NUP188: variants seen among roughly 807,000 people sequenced by gnomAD.
NUP188 encodes the protein nucleoporin NUP188.
In NUP188, 97 loss-of-function variants were observed where a neutral mutation model predicts 223.0. The ratio of observed to expected loss-of-function variants is 0.43; its 90% CI spans 0.37 to 0.51. The LOEUF (loss-of-function observed/expected upper bound fraction) is 0.51, where lower values mean the gene tolerates loss of function less well. Ranked by LOEUF, NUP188 falls within the 20% of genes least tolerant of loss-of-function variation. The pLI is 0.00. For synonymous variants in NUP188, 869 were observed against 828.0 expected, an observed-to-expected ratio of 1.05 and a Z score of -0.85; for missense variants, 1,947 against 2,175.6, an observed-to-expected ratio of 0.89 and a Z score of 2.09.
intron 3 of NUP188, among the ~76,000 whole-genome samples, chr9:128,953,086 G>T (rs753620319): frequency 4.6e-5 from 7 of 152,190 alleles, no homozygotes; most frequent in Non-Finnish European, 8.8e-5. Context: ...GTGGGGATGA[G>T]AATTTATTAA....
At chr9:128,986,944 C>T in intron 22 of NUP188, 69 bp downstream of exon 22, 9 of 1,384,554 alleles carry the variant, frequency 6.5e-6, no homozygotes, top group Non-Finnish European at 7.1e-6. Flanking sequence ...CTGTGCAAAG[C>T]CGTCTCAGTT....
Position 128,989,828 on chromosome 9 carries a change from T to C in NUP188, c.2534-292T>C, listed in dbSNP as rs1842389280. On this transcript the variant is annotated intron_variant, in intron 24 of 43. Coordinates refer to ENST00000372577, the MANE Select transcript of NUP188 (RefSeq NM_015354.3). ...GCCTGGGTGACTGAGTGAGACTCTG[T>C]CTCAAAAAAAATTAATAAATAAATA... is the stretch of plus-strand genomic sequence containing the variant. 3.9e-5 allele frequency among the ~76,000 whole-genome samples: 6 copies of C among 152,110 alleles called. No individual in the cohort carries two copies. In the South Asian group the frequency reaches 1.2e-3, roughly 31 times the overall value.
In NUP188 at chr9:129,006,513, G is replaced by A; in HGVS notation, c.5085G>A (p.Leu1695=). The A allele has an allele frequency of 6.2e-7, 1 of 1,613,596 alleles. No individual in the cohort carries two copies. The highest frequency in any genetic ancestry group is 1.1e-5 in the South Asian group (1 of 91,012). Residue 1695 remains leucine (L), a synonymous_variant, in exon 44 of 44, where the codon CTG becomes CTA. Transcript: ENST00000372577. The part of the protein sequence containing the change: ...QELSSELSTL[L]SSLSRYFRRG... ...TTTTTTTCTTGTAGAGCACGCTGCT[G>A]TCCAGCCTCTCGCGCTACTTCCGCC...
At chr9:128,990,366 G>A in intron 25 of NUP188, 140 bp downstream of exon 25, 1 of 712,870 alleles carries the variant, frequency 1.4e-6, no homozygotes, top group Non-Finnish European at 2.5e-6. Flanking sequence ...AAGGTGGGAG[G>A]ATCATTTGAG....
chr9:128,967,438 T>A (rs1317786367), intron 8 of NUP188, among the ~76,000 whole-genome samples: 1 of 152,126 alleles, frequency 6.6e-6, no homozygotes, highest in Non-Finnish European at 1.5e-5. Flanking sequence ...GAAGATTGGT[T>A]GAGCCCAGGA....
Position 128,983,368 on chromosome 9 carries a change from C to G in NUP188, c.1872C>G (p.Arg624=), listed in dbSNP as rs201128376. 1.4e-4 allele frequency: 222 copies of G among 1,614,044 alleles called. No individual in the cohort carries two copies. The highest frequency in any genetic ancestry group is 1.8e-4 in the Non-Finnish European group (218 of 1,180,024). ...ACTGCTTAACTGTTTTGGCTGCCCG[C>G]AATCCAGCAAAGGTGAGATGCCAGA... The part of the protein sequence containing the change: ...CVNCLTVLAA[R]NPAKVWTDLR... The change falls in exon 18 of 44, where the codon CGC becomes CGG. Residue 624 remains arginine, a synonymous_variant. Transcript: ENST00000372577.
rs541473299 is a variant in NUP188 at position 128,947,734 on chromosome 9, C to T, written c.15C>T (p.Ala5=). 10 of 1,469,636 alleles carry T rather than the reference C, an allele frequency of 6.8e-6. No homozygotes were observed. Among genetic ancestry groups the T allele is most frequent in the African/African-American group, 1.4e-5 (1 of 69,264 alleles). The allele number at this position is 1,469,636 out of a possible 1,614,324, so 91.0% of individuals were successfully genotyped here. Residue 5 remains alanine (A), a synonymous_variant, in exon 1 of 44, where the codon GCC becomes GCT. Coordinates refer to ENST00000372577, the MANE Select transcript of NUP188 (RefSeq NM_015354.3). ...GGCGCGCGAAGATGGCGGCGGCCGC[C>T]GGCGGGCCGTGTGTGAGGTGCGGAG... is the stretch of plus-strand genomic sequence containing the variant. MAAA[A]GGPCVRSSRE...
In NUP188 at chr9:128,973,205, T is replaced by C. The variant is rs1842126183; in HGVS notation, c.1159T>C (p.Phe387Leu). Reference protein sequence around the residue: ...ACMCVYGLLSFVLTSLELHTL... With the variant: ...ACMCVYGLLSLVLTSLELHTL... ...CATGTGTGTCTATGGACTGCTCTCTTTCGTTCTGACCTCGTTGGAGCTGCA... is the reference window on the plus strand; with the variant it reads ...CATGTGTGTCTATGGACTGCTCTCTCTCGTTCTGACCTCGTTGGAGCTGCA... Residue 387 changes from phenylalanine (F) to leucine (L), a missense_variant, in exon 12 of 44, where the codon TTC becomes CTC. Around this residue, in one of 3 missense-constraint regions of NUP188, gnomAD observed 817 missense variants for 865.8 expected, o/e 0.94. Transcript: ENST00000372577. 1.2e-6 allele frequency: 2 copies of C among 1,613,736 alleles called. No individual in the cohort carries two copies. Among genetic ancestry groups the C allele is most frequent in the Non-Finnish European group, 8.5e-7 (1 of 1,179,958 alleles).
At chr9:129,002,201 T>A (rs1409617195) in intron 36 of NUP188, among the ~76,000 whole-genome samples, 1 of 152,224 alleles carries the variant, frequency 6.6e-6, no homozygotes, top group Non-Finnish European at 1.5e-5. Flanking sequence ...TGGGATGGAT[T>A]CTTCCCATTG....
At position 128,983,311 on chromosome 9, in the gene NUP188, C is replaced by T. The variant is rs1842283911; in HGVS notation, c.1815C>T (p.Ser605=). 20 of 1,614,054 alleles carry T rather than the reference C, an allele frequency of 1.2e-5. No individual in the cohort carries two copies. Among genetic ancestry groups the T allele is most frequent in the Non-Finnish European group, 1.7e-5 (20 of 1,179,994 alleles). The stretch of plus-strand genomic sequence containing the variant: ...CAACCAGGTTAACGACAGTGATCTC[C>T]CCACCTGTGGATGTCATTGCTTCTT... ...MLLQRLTTVI[S]PPVDVIASCV... is the part of the protein sequence containing the mutation. The change falls in exon 18 of 44, where the codon TCC becomes TCT. Residue 605 remains serine (S), a synonymous_variant. Transcript: ENST00000372577.
At chr9:128,950,012 A>G (rs1025432587) in intron 2 of NUP188, among the ~76,000 whole-genome samples, 2 of 130,894 alleles carry the variant, frequency 1.5e-5, no homozygotes, top group South Asian at 2.4e-4. Context: ...AACCTCTGCC[A>G]CCTGGGTTCA....
intron 38 of NUP188, chr9:129,004,636 C>G (rs909685258): frequency 3.2e-5 from 5 of 155,238 alleles, no homozygotes; most frequent in African/African-American, 1.2e-4. Flanking sequence ...TCCCGAGTAG[C>G]TGGGACTACA....
Position 128,993,661 on chromosome 9 carries a change from G to A in NUP188, c.2984G>A (p.Arg995Gln). Residue 995 changes from arginine (R) to glutamine (Q), a missense_variant, in exon 27 of 44, where the codon CGG (arginine) becomes CAG (glutamine). By Grantham distance (43) the Arg-to-Gln change is conservative. Around this residue, in one of 3 missense-constraint regions of NUP188, gnomAD observed 905 missense variants for 990.6 expected, o/e 0.91. Coordinates refer to ENST00000372577, the MANE Select transcript of NUP188 (RefSeq NM_015354.3). ...IAFLHALWQD[R>Q]RDSAMLVLRT... is the part of the protein sequence containing the mutation. ...TTTTTGCATGCTCTGTGGCAGGATC[G>A]GAGGGACAGTGCCATGCTGGTCCTC... 3.1e-6 allele frequency: 5 copies of A among 1,614,182 alleles called. No homozygotes were observed. Among genetic ancestry groups the A allele is most frequent in the Non-Finnish European group, 4.2e-6 (5 of 1,180,026 alleles).
chr9:128,962,085 G>A (rs1013861819), intron 8 of NUP188, among the ~76,000 whole-genome samples: 10 of 150,118 alleles, frequency 6.7e-5, no homozygotes, highest in Non-Finnish European at 1.2e-4. Flanking sequence ...AAAGGCATGC[G>A]CCACCACACC....
In NUP188 at chr9:128,984,617, C is replaced by T. The variant is rs534840318; in HGVS notation, c.1962-283C>T. Among the ~76,000 whole-genome samples the T allele has an allele frequency of 5.9e-5, 9 of 152,310 alleles. No homozygotes were observed. The East Asian group carries it at 1.7e-3, about 29-fold the overall frequency. On this transcript the variant is annotated intron_variant, in intron 19 of 43. Transcript: ENST00000372577. Reference sequence around the variant, plus strand: ...AGTAGACCACTTACCAGTACACAGGCTCCATCTTACTACCTGAGCATTCTC... The same window carrying T: ...AGTAGACCACTTACCAGTACACAGGTTCCATCTTACTACCTGAGCATTCTC...
At chr9:128,966,287 T>TG (rs2131151319) in intron 8 of NUP188, among the ~76,000 whole-genome samples, 7 of 149,216 alleles carry the variant, frequency 4.7e-5, no homozygotes, top group Admixed American at 2.0e-4. Context: ...TGTGTGTGTG[T>TG]TTGTGTGTGT....
intron 3 of NUP188, 100 bp downstream of exon 3, chr9:128,952,946 G>A: frequency 2.2e-6 from 2 of 917,034 alleles, no homozygotes; most frequent in Non-Finnish European, 3.5e-6. Context: ...GTAGGGTTAT[G>A]TATACCAGAG....
At chr9:128,994,293 C>T (rs1242909786) in intron 27 of NUP188, 80 bp from the exon 28 acceptor site, 9 of 921,112 alleles carry the variant, frequency 9.8e-6, no homozygotes, top group Non-Finnish European at 1.3e-5. Flanking sequence ...ATGAAGTGAC[C>T]ACCAAAGGGA....
At chr9:129,005,115 G>T (rs1189049119) in intron 38 of NUP188, 32 bp from the exon 39 acceptor site, 1 of 1,579,656 alleles carries the variant, frequency 6.3e-7, no homozygotes, top group African/African-American at 1.3e-5. Flanking sequence ...GCTGACAAGA[G>T]AATCCGCTCA....
Sources: gnomAD v4.1 joint callset for allele counts (sites outside exome capture counted in the v4.1 genomes callset) on GRCh38, gnomAD v4.1.1 for gene constraint, gnomAD v4.1.1 regional missense constraint, MANE v1.5 for transcripts, NCBI Gene and HGNC (gene_info 2026-07-23, HGNC 2026-07-21) for gene names.